Variants in TMEM92 observed in about 807,000 individuals in gnomAD.
TMEM92 encodes transmembrane protein 92.
Under a neutral mutation model 14.6 loss-of-function variants are expected in TMEM92, and 15 were observed. That is an observed-to-expected ratio of 1.03 (90% CI 0.69 to 1.58). TMEM92 has a LOEUF of 1.58. TMEM92 is among the 40% of genes most tolerant of loss of function. TMEM92 has a pLI of 0.00. For synonymous variants in TMEM92, 85 were observed against 83.3 expected, an observed-to-expected ratio of 1.02 and a Z score of -0.11; for missense variants, 174 against 202.4, an observed-to-expected ratio of 0.86 and a Z score of 0.85.
chr17:50,273,335 C>T (rs546301083), upstream of TMEM92, among the ~76,000 whole-genome samples: 10 of 152,272 alleles, frequency 6.6e-5, no homozygotes, highest in Admixed American at 4.6e-4. Context: ...ACCTGCCGGC[C>T]GCTCCCGGAA....
intron 4 of TMEM92, 92 bp from the exon 5 acceptor site, chr17:50,279,103 C>T: frequency 1.4e-6 from 2 of 1,460,996 alleles, no homozygotes; most frequent in South Asian, 1.2e-5. Flanking sequence ...CATTGGGTCA[C>T]CCCTCTCCCT....
chr17:50,276,666 C>G (rs931806419), intron 1 of TMEM92, among the ~76,000 whole-genome samples: 1 of 152,190 alleles, frequency 6.6e-6, no homozygotes, highest in African/African-American at 2.4e-5. Flanking sequence ...ACATCCCTCC[C>G]CCACAGTCTG....
At chr17:50,274,077 C>T (rs1364998951), upstream of TMEM92, among the ~76,000 whole-genome samples, 1 of 152,188 alleles carries the variant, frequency 6.6e-6, no homozygotes, top group Non-Finnish European at 1.5e-5. Context: ...TTCCCGGGTT[C>T]AAGCGATTCT....
upstream of TMEM92, among the ~76,000 whole-genome samples, chr17:50,272,572 G>A (rs1910281326): frequency 6.6e-6 from 1 of 152,142 alleles, no homozygotes; most frequent in Non-Finnish European, 1.5e-5. Context: ...GAGGGGAGAC[G>A]GCGGCCCCTT....
At chr17:50,277,576 G>C (rs12602216) in intron 1 of TMEM92, 139 bp from the exon 2 acceptor site, 23,424 of 938,174 alleles carry the variant, frequency 0.025, 407 homozygotes, top group East Asian at 0.068. Context: ...GAGTGAGGTG[G>C]GGGGTGGCTT....
Position 50,278,824 on chromosome 17 carries a change from T to TCTTTTG in TMEM92, c.195_196insTTTTGC (p.Val65_Ile66insPheCys). The TCTTTTG allele has an allele frequency of 6.2e-7, 1 of 1,612,736 alleles. No homozygotes were observed. The highest frequency in any genetic ancestry group is 8.5e-7 in the Non-Finnish European group (1 of 1,179,472). ...AGGATCTTCGTCATCATCTTCCTGGTCATCCTGTCCGTCTTTTGCATCTGT... is the reference window on the plus strand; with the variant it reads ...AGGATCTTCGTCATCATCTTCCTGGTCTTTTGCATCCTGTCCGTCTTTTGCATCTGT... On this transcript the variant is annotated inframe_insertion, in exon 4 of 5. Transcript: ENST00000507382.
Position 50,279,622 on chromosome 17 carries a change from T to C in TMEM92, c.*314T>C. 3.0e-6 allele frequency: 1 copy of C among 337,374 alleles called. No homozygotes were observed. Among genetic ancestry groups the C allele is most frequent in the Non-Finnish European group, 5.5e-6 (1 of 180,558 alleles). The allele number at this position is 337,374 out of a possible 1,614,324, so 20.9% of individuals were successfully genotyped here. On this transcript the variant is annotated 3_prime_UTR_variant, in exon 5 of 5. Coordinates refer to ENST00000507382, the MANE Select transcript of TMEM92 (RefSeq NM_153229.3). The stretch of plus-strand genomic sequence containing the variant: ...TGTGAGGGGTAGTAAGAGCCCCATT[T>C]CTGGAGGTATGCAAATCTTGACTGG...
chr17:50,279,166 G>C lies in TMEM92; in HGVS notation c.367-29G>C, dbSNP rs1427340698. 1.9e-6 allele frequency: 3 copies of C among 1,607,870 alleles called. No individual in the cohort carries two copies. In the Admixed American group the frequency reaches 5.0e-5, roughly 27 times the overall value. ...GAGTGGTGGCCAGGGCCAGGGCCCA[G>C]AAGACTGAATTCTCTCTTTTCCCTG... On this transcript the variant is annotated intron_variant, in intron 4 of 4. Transcript: ENST00000507382.
rs376497103 is a variant in TMEM92, at chr17:50,278,823, G to C, written c.193G>C (p.Val65Leu). 2.5e-6 allele frequency: 4 copies of C among 1,612,608 alleles called. No individual in the cohort carries two copies. Among genetic ancestry groups the C allele is most frequent in the South Asian group, 1.1e-5 (1 of 91,010 alleles). Reference sequence around the variant, plus strand: ...CAGGATCTTCGTCATCATCTTCCTGGTCATCCTGTCCGTCTTTTGCATCTG... The same window carrying C: ...CAGGATCTTCGTCATCATCTTCCTGCTCATCCTGTCCGTCTTTTGCATCTG... Reference protein sequence around the residue: ...PVRIFVIIFLVILSVFCICGL... With the variant: ...PVRIFVIIFLLILSVFCICGL... Residue 65 changes from valine to leucine, a missense_variant, in exon 4 of 5, where the codon GTC becomes CTC. Coordinates refer to ENST00000507382, the MANE Select transcript of TMEM92 (RefSeq NM_153229.3).
rs563916883 is a variant in TMEM92, at chr17:50,278,888, G to C, written c.258G>C (p.Pro86=). The C allele has an allele frequency of 6.8e-6, 11 of 1,613,836 alleles. No homozygotes were observed. Among genetic ancestry groups the C allele is most frequent in the Non-Finnish European group, 8.5e-6 (10 of 1,179,890 alleles). ...AKCFCRNCRE[P]EPDSPVDCRG... Reference sequence around the variant, plus strand: ...GCTTCTGTCGCAACTGCAGAGAGCCGGAGCCAGACAGCCCAGTGGATTGCC... The same window carrying C: ...GCTTCTGTCGCAACTGCAGAGAGCCCGAGCCAGACAGCCCAGTGGATTGCC... Residue 86 remains proline, a synonymous_variant, in exon 4 of 5, where the codon CCG becomes CCC. Coordinates refer to ENST00000507382, the MANE Select transcript of TMEM92 (RefSeq NM_153229.3).
chr17:50,276,015 C>T lies in TMEM92; in HGVS notation c.69+1445C>T, dbSNP rs185340671. ...GCATGGTGGCACGTGCCTGTAATCC[C>T]AGCTACTTGGGAGGCTGAGGCAGGA... On this transcript the variant is annotated intron_variant, in intron 1 of 4. Coordinates refer to ENST00000507382, the MANE Select transcript of TMEM92 (RefSeq NM_153229.3). 8.0e-4 allele frequency among the ~76,000 whole-genome samples: 122 copies of T among 152,120 alleles called. 1 individual carries two copies. Among genetic ancestry groups the T allele is most frequent in the Admixed American group, 5.3e-3 (81 of 15,274 alleles).
chr17:50,278,766 G>T (rs373709856), intron 3 of TMEM92, 35 bp from the exon 4 acceptor site: 1 of 1,584,620 alleles, frequency 6.3e-7, no homozygotes, highest in Non-Finnish European at 8.6e-7. Context: ...GGGTGGCCTG[G>T]GGACTCAGGG....
chr17:50,274,322 C>A (rs1910348278), upstream of TMEM92: 2 of 639,924 alleles, frequency 3.1e-6, no homozygotes, highest in Admixed American at 5.5e-5. Context: ...CAAAACCCAA[C>A]CCAGACCTCT....
upstream of TMEM92, among the ~76,000 whole-genome samples, chr17:50,272,232 A>C (rs1598327770): frequency 6.4e-5 from 9 of 140,924 alleles, no homozygotes; most frequent in East Asian, 2.0e-4. Flanking sequence ...TAGTTCCCTC[A>C]CCCCCACTCC....
At position 50,280,772 on chromosome 17, in the gene TMEM92, T is replaced by C. The variant is rs1412530866; in HGVS notation, c.*1464T>C. On this transcript the variant is annotated 3_prime_UTR_variant, in exon 5 of 5. Transcript: ENST00000507382. Reference sequence around the variant, plus strand: ...CCCCAAAGATGCCAGGAACAGGGACTGTCCGGGTGTGGGTTCCCAGTGAGA... The same window carrying C: ...CCCCAAAGATGCCAGGAACAGGGACCGTCCGGGTGTGGGTTCCCAGTGAGA... 1 of 152,378 alleles carries C rather than the reference T, an allele frequency of 6.6e-6. No individual in the cohort carries two copies. The highest frequency in any genetic ancestry group is 1.5e-5 in the Non-Finnish European group (1 of 68,170). 9.4% of individuals were successfully genotyped at this position (152,378 alleles called of 1,614,324 possible).
chr17:50,277,958 T>C (rs1374057490), intron 2 of TMEM92, among the ~76,000 whole-genome samples: 2 of 152,284 alleles, frequency 1.3e-5, no homozygotes, highest in Admixed American at 6.5e-5. Flanking sequence ...CAGGCAGGTC[T>C]GTAGCTGGAT....
intron 1 of TMEM92, 125 bp from the exon 2 acceptor site, chr17:50,277,590 G>A (rs1323847358): frequency 4.4e-6 from 5 of 1,133,620 alleles, no homozygotes; most frequent in Non-Finnish European, 6.6e-6. Context: ...GTGGCTTGCA[G>A]GAAGAGGCTG....
intron 3 of TMEM92, 49 bp from the exon 4 acceptor site, chr17:50,278,752 C>T (rs778836968): frequency 1.3e-6 from 2 of 1,578,240 alleles, no homozygotes; most frequent in Non-Finnish European, 1.7e-6. Context: ...GTAGGGAGTC[C>T]CCAGGGTGGC....
At chr17:50,278,423 TACCCCCC>T in intron 2 of TMEM92, 126 bp from the exon 3 acceptor site, 1 of 970,884 alleles carries the variant, frequency 1.0e-6, no homozygotes, top group Non-Finnish European at 1.6e-6. Flanking sequence ...GCGGGGGCCA[TACCCCCC>T]ACCCCACTAA....
Sources: allele counts gnomAD v4.1 joint callset (sites outside exome capture counted in the v4.1 genomes callset), GRCh38; gene constraint gnomAD v4.1.1; transcripts MANE v1.5; gene names NCBI Gene and HGNC (gene_info 2026-07-23, HGNC 2026-07-21).